Variants in ERICH6 observed in about 807,000 individuals in gnomAD.
ERICH6 encodes the protein glutamate rich 6, also known as glutamate-rich protein 6.
A neutral mutation model predicts 71.0 loss-of-function variants in ERICH6; 71 were observed. That is an observed-to-expected ratio of 1.00 (90% confidence interval 0.83 to 1.22). The LOEUF (loss-of-function observed/expected upper bound fraction) is 1.22. Among genes scored for constraint, ERICH6 ranks in the 50% most tolerant of loss-of-function variants. ERICH6 has a pLI of 0.00. For synonymous variants in ERICH6, 262 were observed against 278.4 expected, an observed-to-expected ratio of 0.94 and a Z score of 0.59; for missense variants, 808 against 797.2, an observed-to-expected ratio of 1.01 and a Z score of -0.16.
chr3:150,668,485 T>C (rs1203570479), intron 12 of ERICH6, among the ~76,000 whole-genome samples: 1 of 152,170 alleles, frequency 6.6e-6, no homozygotes, highest in African/African-American at 2.4e-5. Flanking sequence ...AGAATTGCTG[T>C]AGAATCCTGA....
At chr3:150,667,979 A>G (rs958187822) in intron 12 of ERICH6, among the ~76,000 whole-genome samples, 1 of 152,186 alleles carries the variant, frequency 6.6e-6, no homozygotes, top group Non-Finnish European at 1.5e-5. Flanking sequence ...TGTCAGGCTA[A>G]ATGAAATAAT....
At chr3:150,690,317 C>A (rs1013641647) in intron 3 of ERICH6, among the ~76,000 whole-genome samples, 8 of 151,936 alleles carry the variant, frequency 5.3e-5, no homozygotes, top group African/African-American at 1.9e-4. Context: ...TGAGTTGTTT[C>A]CTTTAATATG....
chr3:150,686,698 A>G (rs1023394000), intron 3 of ERICH6, among the ~76,000 whole-genome samples: 5 of 152,172 alleles, frequency 3.3e-5, no homozygotes, highest in African/African-American at 4.8e-5. Flanking sequence ...TTCCTTCACA[A>G]TTTTACAGAT....
intron 13 of ERICH6, among the ~76,000 whole-genome samples, chr3:150,660,440 A>T (rs1727175617): frequency 6.6e-6 from 1 of 152,224 alleles, no homozygotes; most frequent in South Asian, 2.1e-4. Flanking sequence ...AAGATGCCTC[A>T]GACACAGTCC....
At chr3:150,686,682 T>A (rs1712206334) in intron 3 of ERICH6, among the ~76,000 whole-genome samples, 1 of 152,224 alleles carries the variant, frequency 6.6e-6, no homozygotes, top group African/African-American at 2.4e-5. Context: ...ATGCACAAAT[T>A]TCTTTTTCCT....
At chr3:150,663,655 T>G (rs1727302002) in intron 13 of ERICH6, among the ~76,000 whole-genome samples, 5 of 152,116 alleles carry the variant, frequency 3.3e-5, no homozygotes, top group Admixed American at 3.3e-4. Context: ...AAAAAACGAC[T>G]TTCATAGAGA....
Position 150,664,421 on chromosome 3 carries a change from G to A in ERICH6, c.1728+2366C>T, listed in dbSNP as rs146738206. 6.6e-4 allele frequency among the ~76,000 whole-genome samples: 101 copies of A among 152,218 alleles called. 1 individual carries two copies. The East Asian group carries it at 0.017, about 25-fold the overall frequency. On this transcript the variant is annotated intron_variant, in intron 13 of 13. Transcript: ENST00000295910. ...CTCGGCATTTTGGGAGGCCCAGGTA[G>A]GCAGATCACCTGAGGTCAGGAGTTC...
At position 150,660,147 on chromosome 3, in the gene ERICH6, G is replaced by T. The variant is rs762725398; in HGVS notation, c.1737C>A (p.Asn579Lys). The change falls in exon 14 of 14, where the codon AAC becomes AAA. Residue 579 changes from asparagine to lysine, a missense_variant. By Grantham distance (94) the Asn-to-Lys change is moderately conservative. Transcript: ENST00000295910. ...ISVGTKVKLP[N>K]PEEIPILRYV... ...ATCGGAGGATTGGAATCTCCTCAGG[G>T]TTTGGTAGCTTTTCAGCAAAGAGAA... 1.2e-5 allele frequency: 19 copies of T among 1,610,330 alleles called. No homozygotes were observed. In the East Asian group the frequency reaches 4.2e-4, roughly 36 times the overall value.
intron 3 of ERICH6, among the ~76,000 whole-genome samples, chr3:150,689,054 C>T (rs184093779): frequency 7.2e-5 from 11 of 152,262 alleles, no homozygotes; most frequent in African/African-American, 1.4e-4. Context: ...AATCTTCTAT[C>T]GGTGCTTGGT....
chr3:150,663,880 A>G (rs1452705045), intron 13 of ERICH6, among the ~76,000 whole-genome samples: 1 of 152,134 alleles, frequency 6.6e-6, no homozygotes, highest in Non-Finnish European at 1.5e-5. Flanking sequence ...TGAAGATACA[A>G]ATTAAAGGGC....
At chr3:150,693,747 C>A (rs1435946367) in intron 3 of ERICH6, among the ~76,000 whole-genome samples, 1 of 152,074 alleles carries the variant, frequency 6.6e-6, no homozygotes, top group African/African-American at 2.4e-5. Context: ...GTTTCAAAAC[C>A]TATAGTATAC....
intron 13 of ERICH6, among the ~76,000 whole-genome samples, chr3:150,661,543 G>A (rs977743838): frequency 1.3e-5 from 2 of 152,138 alleles, no homozygotes; most frequent in African/African-American, 2.4e-5. Context: ...AAAATAATTA[G>A]GAGATAGAGG....
intron 3 of ERICH6, among the ~76,000 whole-genome samples, chr3:150,697,798 C>A (rs540823089): frequency 2.0e-5 from 3 of 152,310 alleles, no homozygotes; most frequent in South Asian, 2.1e-4. Flanking sequence ...TATATCACTT[C>A]TCTGCACAAA....
At position 150,685,993 on chromosome 3, in the gene ERICH6, C is replaced by T. The variant is rs145250976; in HGVS notation, c.639G>A (p.Ser213=). 2.4e-5 allele frequency: 39 copies of T among 1,603,900 alleles called. No homozygotes were observed. The highest frequency in any genetic ancestry group is 3.0e-5 in the Non-Finnish European group (35 of 1,170,756). The part of the protein sequence containing the change: ...REKWVINPEE[S]KLNILYELEF... ...CCAGCTCATATAAAATATTTAGTTT[C>T]GACTCTTCTGGATTAATTACCCATT... is the stretch of plus-strand genomic sequence containing the variant. Residue 213 remains serine, a synonymous_variant, in exon 5 of 14, where the codon TCG becomes TCA. Transcript: ENST00000295910.
At position 150,678,433 on chromosome 3, in the gene ERICH6, A is replaced by T; in HGVS notation, c.1233T>A (p.Cys411Ter). 6.3e-7 allele frequency: 1 copy of T among 1,580,356 alleles called. No individual in the cohort carries two copies. Among genetic ancestry groups the T allele is most frequent in the Non-Finnish European group, 8.5e-7 (1 of 1,169,842 alleles). ...CCTTTCCACATGCTATCCGAGAATC[A>T]CAACAAATGATAGACATGTTACTGT... is the stretch of plus-strand genomic sequence containing the variant. ...LRNSNMSIIC[C>*]DSRIACGKVV... The change falls in exon 10 of 14, where the codon TGT (cysteine) becomes TGA (stop). Residue 411 changes from cysteine to a stop codon, truncating the protein, a stop_gained. Coordinates refer to ENST00000295910, the MANE Select transcript of ERICH6 (RefSeq NM_152394.5). LOFTEE classifies it high-confidence loss of function.
At chr3:150,703,364 T>G in intron 1 of ERICH6, 132 bp downstream of exon 1, 1 of 1,424,736 alleles carries the variant, frequency 7.0e-7, no homozygotes, top group Admixed American at 2.9e-5. Flanking sequence ...AGATTAGGTG[T>G]GTGGAATGGT....
chr3:150,675,355 CT>C (rs1008454751), intron 10 of ERICH6, among the ~76,000 whole-genome samples: 14 of 148,630 alleles, frequency 9.4e-5, no homozygotes, highest in Admixed American at 1.3e-4. Flanking sequence ...TTATCTCACA[CT>C]TTTTTTTTTG....
chr3:150,677,666 T>G (rs1711714977), intron 10 of ERICH6, among the ~76,000 whole-genome samples: 1 of 151,990 alleles, frequency 6.6e-6, no homozygotes, highest in Non-Finnish European at 1.5e-5. Context: ...ATGGCTAATT[T>G]TTCTTTATTT....
intron 3 of ERICH6, among the ~76,000 whole-genome samples, chr3:150,689,544 T>C (rs1361027989): frequency 6.6e-6 from 1 of 152,220 alleles, no homozygotes; most frequent in Non-Finnish European, 1.5e-5. Flanking sequence ...GCTCAATGGT[T>C]AAAATTAGCT....
Sources: allele counts gnomAD v4.1 joint callset (sites outside exome capture counted in the v4.1 genomes callset), GRCh38; gene constraint gnomAD v4.1.1; transcripts MANE v1.5; gene names NCBI Gene and HGNC (gene_info 2026-07-23, HGNC 2026-07-21).